Variants in LPCAT3 observed in about 807,000 individuals in gnomAD.
LPCAT3 encodes the protein lysophosphatidylcholine acyltransferase 3.
Under a neutral mutation model 63.4 loss-of-function variants are expected in LPCAT3, and 21 were observed. The observed-to-expected ratio is 0.33, with a 90% CI of 0.23 to 0.48. The LOEUF is 0.48. LPCAT3 is among the 20% of genes least tolerant of loss of function. The pLI is 0.99. For missense variants in LPCAT3, 451 were observed against 590.6 expected (o/e 0.76, Z 2.45); for synonymous variants, 242 against 227.5 (o/e 1.06, Z -0.58).
Position 6,987,881 on chromosome 12 carries a change from T to TC in LPCAT3, c.152-4343dup, listed in dbSNP as rs1369755768. On this transcript the variant is annotated intron_variant, in intron 1 of 12. Coordinates refer to ENST00000261407, the MANE Select transcript of LPCAT3 (RefSeq NM_005768.6). The surrounding 1 kb of genome is among the most constrained non-coding windows in gnomAD (Gnocchi z 4.1). ...CCTGACTCTAACAAGGCCTACACTG[T>TC]CCTGAGTTCTGAGTTCTTGTGTCCA... 6 of 400,614 alleles carry TC rather than the reference T, an allele frequency of 1.5e-5. No homozygotes were observed. Among genetic ancestry groups the TC allele is most frequent in the African/African-American group, 1.2e-4 (6 of 48,698 alleles). 24.8% of individuals were successfully genotyped at this position (400,614 alleles called of 1,614,324 possible).
At chr12:7,016,099 A>ATTTT (rs1201316145) in intron 1 of LPCAT3, among the ~76,000 whole-genome samples, 1 of 143,566 alleles carries the variant, frequency 7.0e-6, no homozygotes, top group Admixed American at 7.0e-5. Context: ...ATGTAATACA[A>ATTTT]TTTTTTTTTT....
chr12:6,982,789 G>C lies in LPCAT3; in HGVS notation c.260-7C>G. ...GAGTGGTAGAGCTGGTTTCCTGGATGCAAGAAGAGAGAATTTAGCCTGGTT... is the reference window on the plus strand; with the variant it reads ...GAGTGGTAGAGCTGGTTTCCTGGATCCAAGAAGAGAGAATTTAGCCTGGTT... On this transcript the variant is annotated splice_polypyrimidine_tract_variant and splice_region_variant and intron_variant, in intron 2 of 12. Transcript: ENST00000261407. 2 of 1,593,570 alleles carry C rather than the reference G, an allele frequency of 1.3e-6. No individual in the cohort carries two copies. The highest frequency in any genetic ancestry group is 1.7e-6 in the Non-Finnish European group (2 of 1,161,756).
At chr12:6,997,076 T>C (rs1231779234) in intron 1 of LPCAT3, 1 of 152,236 alleles carries the variant, frequency 6.6e-6, no homozygotes. Context: ...TTTATGCCAC[T>C]GATATAATGG....
chr12:6,981,177 G>A lies in LPCAT3; in HGVS notation c.504C>T (p.Ser168=), dbSNP rs782105041. The change falls in exon 6 of 13, where the codon TCC becomes TCT. Residue 168 remains serine (S), a synonymous_variant. Coordinates refer to ENST00000261407, the MANE Select transcript of LPCAT3 (RefSeq NM_005768.6). ...CATATTTCTGTTGCTCAGAGGACAA[G>A]GAATTCTATGCCAAGAAGAGAATGC... ...DYFDGGKDQN[S]LSSEQQKYAI... 4.4e-6 allele frequency: 7 copies of A among 1,605,634 alleles called. No individual in the cohort carries two copies. The highest frequency in any genetic ancestry group is 4.0e-5 in the African/African-American group (3 of 74,388).
intron 1 of LPCAT3, among the ~76,000 whole-genome samples, chr12:7,010,837 AT>A (rs1244916659): frequency 6.6e-6 from 1 of 152,076 alleles, no homozygotes; most frequent in Non-Finnish European, 1.5e-5. Flanking sequence ...GTTGGAAAAA[AT>A]ATATATATTT....
intron 5 of LPCAT3, 79 bp downstream of exon 5, chr12:6,981,516 G>T: frequency 2.1e-6 from 3 of 1,400,814 alleles, no homozygotes; most frequent in Non-Finnish European, 3.0e-6. Flanking sequence ...TCTGGAATTT[G>T]GGTTCAGTCT....
intron 1 of LPCAT3, among the ~76,000 whole-genome samples, chr12:6,984,810 C>T (rs1240460585): frequency 6.6e-6 from 1 of 152,098 alleles, no homozygotes; most frequent in African/African-American, 2.4e-5. Flanking sequence ...GCCTTGACCT[C>T]CTGGGCTCAA....
chr12:6,977,808 C>T lies in LPCAT3; in HGVS notation c.1041-63G>A, dbSNP rs1946425185. On this transcript the variant is annotated intron_variant, in intron 9 of 12. Transcript: ENST00000261407. This position sits in a 1 kb window ranked among gnomAD's most constrained non-coding sequence, Gnocchi z 4.5. ...CTGGTCCTTGCATCCCGCCACCTGC[C>T]TCTGGGTCCTCACCCTGAGGATTGG... 6.3e-7 allele frequency: 1 copy of T among 1,591,780 alleles called. No individual in the cohort carries two copies. Among genetic ancestry groups the T allele is most frequent in the Non-Finnish European group, 8.6e-7 (1 of 1,163,948 alleles).
At chr12:7,011,647 CAAAAAAA>C (rs1177972639) in intron 1 of LPCAT3, among the ~76,000 whole-genome samples, 1 of 75,734 alleles carries the variant, frequency 1.3e-5, no homozygotes, top group Non-Finnish European at 2.7e-5. Flanking sequence ...CACCATGTCT[CAAAAAAA>C]AAAAAAAAAA....
chr12:6,999,290 G>A (rs1946665168), intron 1 of LPCAT3, among the ~76,000 whole-genome samples: 1 of 152,202 alleles, frequency 6.6e-6, no homozygotes, highest in African/African-American at 2.4e-5. Flanking sequence ...TGTGACAGCT[G>A]TGATACAGGA....
At chr12:6,978,763 A>G in intron 7 of LPCAT3, 74 bp from the exon 8 acceptor site, 2 of 1,581,014 alleles carry the variant, frequency 1.3e-6, no homozygotes, top group Non-Finnish European at 1.7e-6. Flanking sequence ...CTTCCTTTTC[A>G]CACTTGTGGC....
At position 6,977,844 on chromosome 12, in the gene LPCAT3, T is replaced by C; in HGVS notation, c.1041-99A>G. ...CACCCTGAGGATTGGATTGGAGTGC[T>C]GGTGGGTTCCCACGTGTAGCCCCCA... On this transcript the variant is annotated intron_variant, in intron 9 of 12. Coordinates refer to ENST00000261407, the MANE Select transcript of LPCAT3 (RefSeq NM_005768.6). This position sits in a 1 kb window ranked among gnomAD's most constrained non-coding sequence, Gnocchi z 4.5. 6.9e-7 allele frequency: 1 copy of C among 1,450,310 alleles called. No individual in the cohort carries two copies. Among genetic ancestry groups the C allele is most frequent in the Non-Finnish European group, 9.6e-7 (1 of 1,045,456 alleles). 89.8% of individuals were successfully genotyped at this position (1,450,310 alleles called of 1,614,324 possible).
At chr12:6,984,512 A>T (rs1308337686) in intron 1 of LPCAT3, among the ~76,000 whole-genome samples, 2 of 152,210 alleles carry the variant, frequency 1.3e-5, no homozygotes, top group Non-Finnish European at 2.9e-5. Context: ...CTTTTTGGAA[A>T]GACATTCTGC....
At chr12:7,010,424 T>TTGAC (rs1409573066) in intron 1 of LPCAT3, among the ~76,000 whole-genome samples, 1 of 152,180 alleles carries the variant, frequency 6.6e-6, no homozygotes, top group African/African-American at 2.4e-5. Flanking sequence ...GATTGATTGA[T>TTGAC]TGACTGACTG....
At chr12:6,986,318 G>C (rs1287000180) in intron 1 of LPCAT3, among the ~76,000 whole-genome samples, 1 of 152,104 alleles carries the variant, frequency 6.6e-6, no homozygotes, top group African/African-American at 2.4e-5. Flanking sequence ...ACTGAATGAA[G>C]AGTAAACATA....
intron 4 of LPCAT3, 33 bp downstream of exon 4, chr12:6,981,778 A>G (rs1275378792): frequency 2.6e-6 from 4 of 1,559,250 alleles, no homozygotes; most frequent in South Asian, 1.1e-5. Flanking sequence ...AGGGACCTAC[A>G]TGTAAGGAAG....
At chr12:6,998,252 G>T (rs1368326377) in intron 1 of LPCAT3, among the ~76,000 whole-genome samples, 1 of 152,212 alleles carries the variant, frequency 6.6e-6, no homozygotes, top group Non-Finnish European at 1.5e-5. Flanking sequence ...CTGGGCTCAA[G>T]CAATCCTCCT....
At chr12:6,989,504 G>A (rs1197202289) in intron 1 of LPCAT3, among the ~76,000 whole-genome samples, 3 of 151,898 alleles carry the variant, frequency 2.0e-5, no homozygotes, top group Non-Finnish European at 4.4e-5. Flanking sequence ...TAGAGACAGG[G>A]TTTCACCGTG....
In LPCAT3 at chr12:6,990,047, C is replaced by T. The variant is rs1256968042; in HGVS notation, c.152-6508G>A. ...AAATAGTTGGGTGGGGTGGGTGGTG[C>T]GTGCCTGTAGTCCCAGCTACTTGAG... is the stretch of plus-strand genomic sequence containing the variant. On this transcript the variant is annotated intron_variant, in intron 1 of 12. Coordinates refer to ENST00000261407, the MANE Select transcript of LPCAT3 (RefSeq NM_005768.6). Among the ~76,000 whole-genome samples the T allele has an allele frequency of 3.3e-5, 5 of 151,412 alleles. 1 individual carries two copies. The highest frequency in any genetic ancestry group is 4.2e-4 in the South Asian group (2 of 4,786).
Sources: allele counts gnomAD v4.1 joint callset (sites outside exome capture counted in the v4.1 genomes callset), GRCh38; gene constraint gnomAD v4.1.1; non-coding constraint Gnocchi (gnomAD v3.1); transcripts MANE v1.5; gene names NCBI Gene and HGNC (gene_info 2026-07-23, HGNC 2026-07-21).